Variants in RAD54L2 observed in about 807,000 individuals in gnomAD.
The protein encoded by RAD54L2 is RAD54 like 2, also known as helicase ARIP4.
In RAD54L2, 27 loss-of-function variants were observed where a neutral mutation model predicts 138.4. The ratio of observed to expected loss-of-function variants is 0.20; its 90% CI spans 0.14 to 0.27. RAD54L2 has a LOEUF of 0.27. Among genes scored for constraint, RAD54L2 ranks in the 10% least tolerant of loss-of-function variants. The probability of loss-of-function intolerance (pLI) is 1.00; values close to 1 mark genes in which losing one functional copy is unlikely to be tolerated. For missense variants in RAD54L2, 1,396 were observed against 1,890.2 expected, an observed-to-expected ratio of 0.74 and a Z score of 4.85; for synonymous variants, 644 against 723.2, an observed-to-expected ratio of 0.89 and a Z score of 1.76.
At chr3:51,542,106 A>G (rs1375254754) in intron 2 of RAD54L2, among the ~76,000 whole-genome samples, 1 of 152,156 alleles carries the variant, frequency 6.6e-6, no homozygotes, top group African/African-American at 2.4e-5. Flanking sequence ...GAGTCTTCCC[A>G]CTTTTTCTTG....
At chr3:51,631,420 C>CTT (rs898540419) in intron 7 of RAD54L2, among the ~76,000 whole-genome samples, 28 of 128,304 alleles carry the variant, frequency 2.2e-4, no homozygotes, top group Middle Eastern at 4.4e-3. Context: ...ATTAAGAACT[C>CTT]TTTTTTTTTT....
chr3:51,665,260 C>G lies in RAD54L2; in HGVS notation c.*1840C>G, dbSNP rs2106867792. 6.6e-6 allele frequency: 1 copy of G among 152,184 alleles called. No individual in the cohort carries two copies. The highest frequency in any genetic ancestry group is 1.9e-4 in the East Asian group (1 of 5,166). 9.4% of individuals were successfully genotyped at this position (152,184 alleles called of 1,614,324 possible). A position where few individuals can be genotyped will look rare whatever the true frequency, so the allele number is the denominator to read the frequency against. ...TTTACCACTTACCCATGGCTCCCTC[C>G]TTACTGGGCAGGTGGTGTACCTGCC... On this transcript the variant is annotated 3_prime_UTR_variant, in exon 23 of 23. Coordinates refer to ENST00000684192, the MANE Select transcript of RAD54L2 (RefSeq NM_015106.4).
Position 51,660,138 on chromosome 3 carries a change from C to T in RAD54L2, c.3409+20C>T, listed in dbSNP as rs774764718. On this transcript the variant is annotated intron_variant, in intron 22 of 22. Transcript: ENST00000684192. ...CCTCAGGTGTGATGGCTTTTACTTT[C>T]CATTTTACTTTTCAAACAACATTTG... is the stretch of plus-strand genomic sequence containing the variant. 1 of 1,569,414 alleles carries T rather than the reference C, an allele frequency of 6.4e-7. No individual in the cohort carries two copies.
At chr3:51,577,861 C>T in intron 2 of RAD54L2, among the ~76,000 whole-genome samples, 1 of 152,160 alleles carries the variant, frequency 6.6e-6, no homozygotes, top group Non-Finnish European at 1.5e-5. Context: ...ACGCTGGGAG[C>T]TGTAGACTGG....
At position 51,590,353 on chromosome 3, in the gene RAD54L2, T is replaced by C; in HGVS notation, c.-54-14T>C. On this transcript the variant is annotated splice_polypyrimidine_tract_variant and intron_variant, in intron 2 of 22. Transcript: ENST00000684192. ...AAACCCTTGGTGATTCTGATGCCTTTCATCCTCTCCTAGCACCCCTGCAGT... is the reference window on the plus strand; with the variant it reads ...AAACCCTTGGTGATTCTGATGCCTTCCATCCTCTCCTAGCACCCCTGCAGT... 1 of 1,443,246 alleles carries C rather than the reference T, an allele frequency of 6.9e-7. No individual in the cohort carries two copies. Among genetic ancestry groups the C allele is most frequent in the Non-Finnish European group, 9.2e-7 (1 of 1,092,890 alleles). The allele number at this position is 1,443,246 out of a possible 1,614,324, so 89.4% of individuals were successfully genotyped here. A position where few individuals can be genotyped will look rare whatever the true frequency, so the allele number is the denominator to read the frequency against.
intron 2 of RAD54L2, among the ~76,000 whole-genome samples, chr3:51,550,351 A>G (rs1181598080): frequency 1.3e-5 from 2 of 152,188 alleles, no homozygotes; most frequent in African/African-American, 4.8e-5. Context: ...TGCTCTTAGA[A>G]AGTCCTTGAC....
chr3:51,612,691 T>TA (rs11299726), intron 3 of RAD54L2, among the ~76,000 whole-genome samples: 395 of 141,834 alleles, frequency 2.8e-3, no homozygotes, highest in Admixed American at 5.1e-3. Context: ...GTCTTTGTTG[T>TA]AAAAAAAAAA....
chr3:51,653,494 C>A (rs1231280042), intron 19 of RAD54L2, among the ~76,000 whole-genome samples: 2 of 152,120 alleles, frequency 1.3e-5, no homozygotes, highest in East Asian at 3.9e-4. Context: ...ATGTTTATTG[C>A]GGCACTATTC....
chr3:51,583,776 G>A (rs1380931885), intron 2 of RAD54L2, among the ~76,000 whole-genome samples: 2 of 150,888 alleles, frequency 1.3e-5, no homozygotes, highest in Non-Finnish European at 3.0e-5. Context: ...GTTTGAAAAA[G>A]TTACCTCGAG....
At chr3:51,630,654 A>C in intron 6 of RAD54L2, 51 bp from the exon 7 acceptor site, 8 of 1,457,292 alleles carry the variant, frequency 5.5e-6, no homozygotes, top group Non-Finnish European at 7.6e-6. Flanking sequence ...GTGTGCAGTA[A>C]ATTATCTTCA....
At chr3:51,627,453 A>G in intron 3 of RAD54L2, 100 bp from the exon 4 acceptor site, 1 of 1,134,152 alleles carries the variant, frequency 8.8e-7, no homozygotes, top group Non-Finnish European at 1.3e-6. Context: ...ATTACCAGCT[A>G]ATAAGTTGCT....
chr3:51,601,850 T>G (rs186685879), intron 3 of RAD54L2, among the ~76,000 whole-genome samples: 8 of 152,178 alleles, frequency 5.3e-5, no homozygotes, highest in Middle Eastern at 3.4e-3. Context: ...CATGTGTTTT[T>G]TTGTTTTTTT....
chr3:51,640,189 C>G (rs1373421874), intron 14 of RAD54L2, among the ~76,000 whole-genome samples, 190 bp downstream of exon 14: 1 of 152,098 alleles, frequency 6.6e-6, no homozygotes, highest in Non-Finnish European at 1.5e-5. Flanking sequence ...ATTTAGAACC[C>G]TAGGTTAGCA....
chr3:51,608,267 T>C (rs1414470095), intron 3 of RAD54L2, among the ~76,000 whole-genome samples: 1 of 143,750 alleles, frequency 7.0e-6, no homozygotes, highest in Non-Finnish European at 1.5e-5. Flanking sequence ...TCCCAGACCA[T>C]GGGCAGCCGG....
chr3:51,620,407 CTTTTT>C (rs60585256), intron 3 of RAD54L2, among the ~76,000 whole-genome samples: 6 of 82,558 alleles, frequency 7.3e-5, no homozygotes, highest in Admixed American at 2.8e-4. Context: ...TCCTACTGGT[CTTTTT>C]TTTTTTTTTT....
intron 3 of RAD54L2, among the ~76,000 whole-genome samples, chr3:51,604,231 G>T (rs1705433690): frequency 6.6e-6 from 1 of 152,172 alleles, no homozygotes; most frequent in Admixed American, 6.5e-5. Flanking sequence ...AGGTACAGAT[G>T]GGGAGCAGAT....
At chr3:51,613,331 G>A (rs901521362) in intron 3 of RAD54L2, among the ~76,000 whole-genome samples, 1 of 152,172 alleles carries the variant, frequency 6.6e-6, no homozygotes, top group African/African-American at 2.4e-5. Context: ...ACCTCTAGCT[G>A]AGACGTTCCC....
At position 51,638,426 on chromosome 3, in the gene RAD54L2, GA is replaced by G; in HGVS notation, c.1860+106del. 7.3e-7 allele frequency: 1 copy of G among 1,377,296 alleles called. No individual in the cohort carries two copies. Among genetic ancestry groups the G allele is most frequent in the Non-Finnish European group, 1.0e-6 (1 of 999,204 alleles). The allele number at this position is 1,377,296 out of a possible 1,614,324, so 85.3% of individuals were successfully genotyped here. ...CTTCAATAAAGGGAGAATAAAGTGA[GA>G]GGGGGCCACCTCAGTTCACTGCACT... On this transcript the variant is annotated intron_variant, in intron 12 of 22. Transcript: ENST00000684192. The surrounding 1 kb of genome is among the most constrained non-coding windows in gnomAD (Gnocchi z 4.3).
At chr3:51,572,268 G>T (rs1699353056) in intron 2 of RAD54L2, among the ~76,000 whole-genome samples, 1 of 152,106 alleles carries the variant, frequency 6.6e-6, no homozygotes, top group South Asian at 2.1e-4. Flanking sequence ...GGCCAACATG[G>T]TGAAAGCGCC....
Sources: gnomAD v4.1 joint callset for allele counts (sites outside exome capture counted in the v4.1 genomes callset) on GRCh38, gnomAD v4.1.1 for gene constraint, Gnocchi (gnomAD v3.1) non-coding constraint, MANE v1.5 for transcripts, NCBI Gene and HGNC (gene_info 2026-07-23, HGNC 2026-07-21) for gene names.